The following VIPR1 variants were observed in gnomAD, a reference collection of about 807,000 sequenced individuals.
VIPR1 encodes the protein vasoactive intestinal peptide receptor 1.
VIPR1 carries 59 observed loss-of-function variants against 58.8 expected under a neutral mutation model. The observed-to-expected ratio is 1.00, with a 90% CI of 0.81 to 1.25. The LOEUF (loss-of-function observed/expected upper bound fraction) is 1.25, where lower values mean the gene tolerates loss of function less well. VIPR1 is among the 50% of genes most tolerant of loss of function. The pLI is 0.00. For missense variants in VIPR1, 626 were observed against 602.7 expected, an observed-to-expected ratio of 1.04 and a Z score of -0.40; for synonymous variants, 251 against 242.1, an observed-to-expected ratio of 1.04 and a Z score of -0.34.
chr3:42,492,915 C>T (rs962547914), intron 1 of VIPR1, among the ~76,000 whole-genome samples: 2 of 152,228 alleles, frequency 1.3e-5, no homozygotes, highest in Admixed American at 6.5e-5. Context: ...TTGCCAGGAC[C>T]ATGCAGGCTG....
intron 2 of VIPR1, chr3:42,516,857 A>G (rs1559486109): frequency 6.6e-6 from 1 of 152,244 alleles, no homozygotes; most frequent in Non-Finnish European, 1.5e-5. Context: ...GAAGCATTAA[A>G]TAAGTTATTC....
rs1700501674 is a variant in VIPR1, at chr3:42,514,107, G to C, written c.184+253G>C. Among the ~76,000 whole-genome samples the C allele has an allele frequency of 2.0e-5, 3 of 152,118 alleles. No individual in the cohort carries two copies. In the South Asian group the frequency reaches 6.2e-4, roughly 32 times the overall value. ...CTGAAAAGTACATGGAGCCAACTCTGCCTCTGGGGGTCCCTATCCCTCTTC... is the reference window on the plus strand; with the variant it reads ...CTGAAAAGTACATGGAGCCAACTCTCCCTCTGGGGGTCCCTATCCCTCTTC... On this transcript the variant is annotated intron_variant, in intron 2 of 12. Coordinates refer to ENST00000325123, the MANE Select transcript of VIPR1 (RefSeq NM_004624.4).
intron 1 of VIPR1, chr3:42,492,211 C>T: frequency 6.6e-6 from 1 of 152,398 alleles, no homozygotes; most frequent in East Asian, 1.9e-4. Flanking sequence ...ATCCCTCCTC[C>T]CCTATCTCTC....
chr3:42,521,386 A>G (rs1005528331), intron 3 of VIPR1: 2 of 152,162 alleles, frequency 1.3e-5, no homozygotes, highest in Admixed American at 1.3e-4. Context: ...AAAATGGTGG[A>G]GAGAAATAAG....
chr3:42,536,406 G>T lies in VIPR1; in HGVS notation c.*125G>T. 9.4e-7 allele frequency: 1 copy of T among 1,066,488 alleles called. No homozygotes were observed. The highest frequency in any genetic ancestry group is 1.3e-6 in the Non-Finnish European group (1 of 775,124). 66.1% of individuals were successfully genotyped at this position (1,066,488 alleles called of 1,614,324 possible). On this transcript the variant is annotated 3_prime_UTR_variant, in exon 13 of 13. Transcript: ENST00000325123. ...GGCCCTGGGCTCGGAGGCTGCCCCC[G>T]GCCCCCTGGTCTCTGGTCCGGACAC...
intron 1 of VIPR1, among the ~76,000 whole-genome samples, chr3:42,490,307 G>C (rs1295261590): frequency 6.6e-6 from 1 of 152,264 alleles, no homozygotes; most frequent in African/African-American, 2.4e-5. Flanking sequence ...GTTCACACGA[G>C]CTGCAGCAGA....
chr3:42,532,351 G>GCCTCAGCCCCCAGTA lies in VIPR1; in HGVS notation c.1010+23_1010+37dup. 6.2e-7 allele frequency: 1 copy of GCCTCAGCCCCCAGTA among 1,610,958 alleles called. No homozygotes were observed. ...CCATACTCGTGAGTGTGGGCCTAGT[G>GCCTCAGCCCCCAGTA]CCTCAGCCCCCAGTACCTCCATCCC... On this transcript the variant is annotated intron_variant, in intron 10 of 12. Transcript: ENST00000325123.
At chr3:42,494,970 G>A (rs1257988665) in intron 1 of VIPR1, among the ~76,000 whole-genome samples, 1 of 151,942 alleles carries the variant, frequency 6.6e-6, no homozygotes, top group African/African-American at 2.4e-5. Context: ...TACTTAAAAG[G>A]GTGATTTCTG....
At chr3:42,508,811 C>T (rs775770285) in intron 1 of VIPR1, 1 of 152,260 alleles carries the variant, frequency 6.6e-6, no homozygotes, top group Admixed American at 6.5e-5. Flanking sequence ...CGCCCACTCA[C>T]GTGCAAAAGC....
chr3:42,516,303 G>A (rs894662625), intron 2 of VIPR1, among the ~76,000 whole-genome samples: 1 of 152,166 alleles, frequency 6.6e-6, no homozygotes, highest in Non-Finnish European at 1.5e-5. Flanking sequence ...AAATACTCCC[G>A]TTGCCTAGCC....
intron 1 of VIPR1, 38 bp from the exon 2 acceptor site, chr3:42,513,711 G>T: frequency 1.3e-6 from 2 of 1,548,184 alleles, no homozygotes; most frequent in South Asian, 2.4e-5. Context: ...CTGAGTCTAT[G>T]GACGAGGCTG....
chr3:42,535,561 G>C (rs115609872), intron 12 of VIPR1, among the ~76,000 whole-genome samples, 177 bp downstream of exon 12: 1 of 152,158 alleles, frequency 6.6e-6, no homozygotes, highest in African/African-American at 2.4e-5. Flanking sequence ...GCATCTCTGG[G>C]ACCACCCCAG....
intron 1 of VIPR1, among the ~76,000 whole-genome samples, chr3:42,504,494 G>A (rs545083059): frequency 1.3e-5 from 2 of 151,918 alleles, no homozygotes; most frequent in Non-Finnish European, 2.9e-5. Flanking sequence ...CCACCCTTCA[G>A]CCCTACCCAC....
At chr3:42,515,317 G>C (rs950757075) in intron 2 of VIPR1, among the ~76,000 whole-genome samples, 1 of 152,216 alleles carries the variant, frequency 6.6e-6, no homozygotes, top group Non-Finnish European at 1.5e-5. Context: ...TCTCAAAGCA[G>C]GACAACCCCT....
At chr3:42,505,054 G>A (rs1050603398) in intron 1 of VIPR1, among the ~76,000 whole-genome samples, 8 of 152,132 alleles carry the variant, frequency 5.3e-5, no homozygotes, top group African/African-American at 1.9e-4. Context: ...GCTGCTCAGG[G>A]CAATGCCCAG....
chr3:42,520,158 G>A (rs1401706084), intron 3 of VIPR1, among the ~76,000 whole-genome samples: 1 of 152,174 alleles, frequency 6.6e-6, no homozygotes, highest in African/African-American at 2.4e-5. Context: ...ACAACTGAGA[G>A]AGAGAATCAA....
chr3:42,518,108 G>A (rs1314458271), intron 2 of VIPR1, among the ~76,000 whole-genome samples: 1 of 151,710 alleles, frequency 6.6e-6, no homozygotes, highest in African/African-American at 2.4e-5. Flanking sequence ...AAAAAATAAT[G>A]TTCTAGCTAT....
chr3:42,523,182 C>A (rs1441642886), intron 3 of VIPR1, among the ~76,000 whole-genome samples: 1 of 152,002 alleles, frequency 6.6e-6, no homozygotes, highest in Non-Finnish European at 1.5e-5. Context: ...ATTGGGCCTG[C>A]CGGTTTCCAG....
chr3:42,536,410 C>G lies in VIPR1; in HGVS notation c.*129C>G. The stretch of plus-strand genomic sequence containing the variant: ...CTGGGCTCGGAGGCTGCCCCCGGCC[C>G]CCTGGTCTCTGGTCCGGACACTCCT... On this transcript the variant is annotated 3_prime_UTR_variant, in exon 13 of 13. Coordinates refer to ENST00000325123, the MANE Select transcript of VIPR1 (RefSeq NM_004624.4). The G allele has an allele frequency of 9.6e-7, 1 of 1,040,022 alleles. No individual in the cohort carries two copies. The allele number at this position is 1,040,022 out of a possible 1,614,324, so 64.4% of individuals were successfully genotyped here. A position where few individuals can be genotyped will look rare whatever the true frequency, so the allele number is the denominator to read the frequency against.
Sources: allele counts gnomAD v4.1 joint callset (sites outside exome capture counted in the v4.1 genomes callset), GRCh38; gene constraint gnomAD v4.1.1; transcripts MANE v1.5; gene names NCBI Gene and HGNC (gene_info 2026-07-23, HGNC 2026-07-21).